The following INTS8 variants were observed in gnomAD, a reference collection of about 807,000 sequenced individuals.
The protein encoded by INTS8 is protein kaonashi-1.
Under a neutral mutation model 138.9 loss-of-function variants are expected in INTS8, and 47 were observed. That is an observed-to-expected ratio of 0.34 (90% CI 0.27 to 0.43). INTS8 has a LOEUF of 0.43. Among genes scored for constraint, INTS8 ranks in the 20% least tolerant of loss-of-function variants. The pLI, the probability that INTS8 is intolerant of heterozygous loss-of-function variation, is 1.00. For synonymous variants in INTS8, 392 were observed against 400.9 expected, an observed-to-expected ratio of 0.98 and a Z score of 0.27; for missense variants, 996 against 1,173.0, an observed-to-expected ratio of 0.85 and a Z score of 2.20.
chr8:94,832,994 C>T (rs889850002), intron 6 of INTS8, among the ~76,000 whole-genome samples: 2 of 152,072 alleles, frequency 1.3e-5, no homozygotes, highest in Middle Eastern at 6.8e-3. Context: ...CTTCTTTTTC[C>T]CTACTGGATT....
At chr8:94,827,644 A>G (rs1814557811) in intron 3 of INTS8, 78 bp from the exon 4 acceptor site, 2 of 1,228,374 alleles carry the variant, frequency 1.6e-6, no homozygotes, top group African/African-American at 3.0e-5. Flanking sequence ...ATTTATACAA[A>G]CCTAAGGAGT....
chr8:94,855,374 AG>A (rs1815707044), intron 14 of INTS8, among the ~76,000 whole-genome samples: 1 of 152,008 alleles, frequency 6.6e-6, no homozygotes, highest in Admixed American at 6.6e-5. Flanking sequence ...AAATCCAGTA[AG>A]TATTTTATAC....
intron 10 of INTS8, among the ~76,000 whole-genome samples, chr8:94,843,453 G>T (rs917046306): frequency 6.6e-6 from 1 of 152,074 alleles, no homozygotes; most frequent in Non-Finnish European, 1.5e-5. Context: ...TGTAATCCCA[G>T]CTACTTGGGA....
chr8:94,864,539 C>T, intron 16 of INTS8, among the ~76,000 whole-genome samples: 1 of 152,122 alleles, frequency 6.6e-6, no homozygotes, highest in Non-Finnish European at 1.5e-5. Flanking sequence ...GAAACCCCGT[C>T]TCTACTAAAA....
rs975799330 is a variant in INTS8, at chr8:94,838,605, C to G, written c.1004C>G (p.Ser335Cys). 6.2e-7 allele frequency: 1 copy of G among 1,612,800 alleles called. No individual in the cohort carries two copies. The highest frequency in any genetic ancestry group is 1.1e-5 in the South Asian group (1 of 90,972). Residue 335 changes from serine (S) to cysteine (C), a missense_variant, in exon 8 of 27, where the codon TCT (serine) becomes TGT (cysteine). Transcript: ENST00000523731. The stretch of plus-strand genomic sequence containing the variant: ...AGTCAAGTCCATATTTGTTTGAGAT[C>G]TGGCAACTATCAGGTAAGGTGTATG... Reference protein sequence around the residue: ...PYSQVHICLRSGNYQEVIQIF... With the variant: ...PYSQVHICLRCGNYQEVIQIF...
chr8:94,879,869 A>AC, intron 26 of INTS8: 2 of 259,004 alleles, frequency 7.7e-6, no homozygotes, highest in Non-Finnish European at 7.3e-6. Flanking sequence ...ACATGAATTT[A>AC]CTTAATATAT....
intron 7 of INTS8, among the ~76,000 whole-genome samples, chr8:94,837,758 G>GAAAACTC (rs1814980617): frequency 3.3e-5 from 5 of 152,096 alleles, no homozygotes; most frequent in Admixed American, 3.3e-4. Flanking sequence ...TCCACCTTTT[G>GAAAACTC]TATGTTGGCC....
chr8:94,842,521 A>C (rs1586485145), intron 10 of INTS8, 33 bp downstream of exon 10: 1 of 1,566,780 alleles, frequency 6.4e-7, no homozygotes, highest in East Asian at 2.3e-5. Flanking sequence ...CTTTTGATTT[A>C]TAATTTGCTT....
At chr8:94,844,025 G>GT (rs1290787580) in intron 10 of INTS8, among the ~76,000 whole-genome samples, 2 of 90,330 alleles carry the variant, frequency 2.2e-5, no homozygotes, top group Non-Finnish European at 5.0e-5. Context: ...ATAGAGTTCT[G>GT]CTTTTTTTTT....
chr8:94,878,399 TAA>T (rs565029987), intron 26 of INTS8, among the ~76,000 whole-genome samples: 12 of 152,342 alleles, frequency 7.9e-5, no homozygotes, highest in African/African-American at 2.6e-4. Context: ...TCATGGATGT[TAA>T]GAGTCTTGGG....
intron 14 of INTS8, 28 bp downstream of exon 14, chr8:94,853,943 G>A: frequency 7.7e-7 from 1 of 1,303,160 alleles, no homozygotes; most frequent in Non-Finnish European, 1.1e-6. Context: ...TCAAACACTT[G>A]TTAAGAATAT....
chr8:94,853,293 C>T (rs1022554486), intron 13 of INTS8, among the ~76,000 whole-genome samples: 2 of 152,054 alleles, frequency 1.3e-5, no homozygotes, highest in Non-Finnish European at 2.9e-5. Context: ...GCCTGGGTGA[C>T]GGAGCGAGAC....
rs1586474919 is a variant in INTS8, at chr8:94,835,104, T to C, written c.754-1420T>C. Among the ~76,000 whole-genome samples the C allele has an allele frequency of 3.3e-5, 5 of 152,282 alleles. No homozygotes were observed. The South Asian group carries it at 1.0e-3, about 32-fold the overall frequency. On this transcript the variant is annotated intron_variant, in intron 6 of 26. Coordinates refer to ENST00000523731, the MANE Select transcript of INTS8 (RefSeq NM_017864.4). ...AAGGAGTTTGAACTTTCTTCTGTTTTGGGGAGTAATTGAAGTCTTCTTAAG... is the reference window on the plus strand; with the variant it reads ...AAGGAGTTTGAACTTTCTTCTGTTTCGGGGAGTAATTGAAGTCTTCTTAAG...
Position 94,881,581 on chromosome 8 carries a change from C to T in INTS8, c.*1347C>T. On this transcript the variant is annotated 3_prime_UTR_variant, in exon 27 of 27. Coordinates refer to ENST00000523731, the MANE Select transcript of INTS8 (RefSeq NM_017864.4). ...TAAAACTTTAGTAGTTCAGTGATAC[C>T]AGTTCTACCCAATCTTGGTGAATTC... is the stretch of plus-strand genomic sequence containing the variant. The T allele has an allele frequency of 1.9e-6, 3 of 1,586,778 alleles. 1 individual carries two copies. Among genetic ancestry groups the T allele is most frequent in the Non-Finnish European group, 8.6e-7 (1 of 1,162,728 alleles).
At chr8:94,829,151 G>A (rs981561585) in intron 5 of INTS8, 125 bp downstream of exon 5, 85 of 682,798 alleles carry the variant, frequency 1.2e-4, no homozygotes, top group Non-Finnish European at 2.0e-4. Flanking sequence ...GATGTGGTGT[G>A]GGGGGCGGGG....
chr8:94,845,955 A>G (rs1011384920), intron 10 of INTS8, among the ~76,000 whole-genome samples: 25 of 152,324 alleles, frequency 1.6e-4, no homozygotes, highest in African/African-American at 4.8e-4. Flanking sequence ...AAGAATTTAC[A>G]TGTTTACATT....
chr8:94,875,906 TCAGA>T (rs1237190430), intron 23 of INTS8, 164 bp from the exon 24 acceptor site: 2 of 572,900 alleles, frequency 3.5e-6, no homozygotes, highest in Non-Finnish European at 3.1e-6. Flanking sequence ...AGAATATTGG[TCAGA>T]CAGACACGTG....
At position 94,866,196 on chromosome 8, in the gene INTS8, GT is replaced by G; in HGVS notation, c.2295+9del. ...TCTTTTATCAAAAAATTACGAGTAA[GT>G]TTTATTAAAAATTGCTCTAATTACT... On this transcript the variant is annotated splice_donor_region_variant and intron_variant, in intron 18 of 26. Coordinates refer to ENST00000523731, the MANE Select transcript of INTS8 (RefSeq NM_017864.4). 7.5e-7 allele frequency: 1 copy of G among 1,335,608 alleles called. No individual in the cohort carries two copies. The highest frequency in any genetic ancestry group is 1.1e-6 in the Non-Finnish European group (1 of 946,076). The allele number at this position is 1,335,608 out of a possible 1,614,324, so 82.7% of individuals were successfully genotyped here.
intron 16 of INTS8, among the ~76,000 whole-genome samples, chr8:94,863,959 G>A (rs914614794): frequency 6.6e-6 from 1 of 152,136 alleles, no homozygotes; most frequent in Non-Finnish European, 1.5e-5. Flanking sequence ...GCTTCGGAAA[G>A]CCACAGTACT....
Sources: allele counts gnomAD v4.1 joint callset (sites outside exome capture counted in the v4.1 genomes callset), GRCh38; gene constraint gnomAD v4.1.1; transcripts MANE v1.5; gene names NCBI Gene and HGNC (gene_info 2026-07-23, HGNC 2026-07-21).